KIF16B: variants seen among roughly 807,000 people sequenced by gnomAD.
KIF16B encodes kinesin-like protein KIF16B.
In KIF16B, 98 loss-of-function variants were observed where a neutral mutation model predicts 156.3. That is an observed-to-expected ratio of 0.63 (90% CI 0.53 to 0.74). KIF16B has a LOEUF of 0.74. KIF16B is among the 30% of genes least tolerant of loss of function. KIF16B has a pLI of 0.00. For synonymous variants in KIF16B, 564 were observed against 583.7 expected, an observed-to-expected ratio of 0.97 and a Z score of 0.49; for missense variants, 1,421 against 1,606.5, an observed-to-expected ratio of 0.88 and a Z score of 1.97.
intron 12 of KIF16B, among the ~76,000 whole-genome samples, chr20:16,449,517 T>C (rs1359979549): frequency 6.6e-6 from 1 of 152,148 alleles, no homozygotes; most frequent in African/African-American, 2.4e-5. Context: ...TCCACAAACT[T>C]GCTCTGAAAA....
chr20:16,425,573 A>C (rs1055483542), intron 15 of KIF16B, among the ~76,000 whole-genome samples: 8 of 152,158 alleles, frequency 5.3e-5, no homozygotes, highest in African/African-American at 1.9e-4. Context: ...TACAATATCA[A>C]AGTACCTTCA....
intron 18 of KIF16B, among the ~76,000 whole-genome samples, chr20:16,381,222 G>C (rs1321466246): frequency 6.6e-6 from 1 of 152,052 alleles, no homozygotes; most frequent in African/African-American, 2.4e-5. Flanking sequence ...CAAAAGAAAA[G>C]TGAGCAAAGA....
chr20:16,392,158 G>C (rs887041871), intron 17 of KIF16B, among the ~76,000 whole-genome samples: 1 of 152,076 alleles, frequency 6.6e-6, no homozygotes, highest in Non-Finnish European at 1.5e-5. Context: ...CAGCCTTTCC[G>C]GCCATACAGA....
chr20:16,296,874 A>C (rs2063394950), intron 25 of KIF16B, among the ~76,000 whole-genome samples: 1 of 152,218 alleles, frequency 6.6e-6, no homozygotes, highest in Non-Finnish European at 1.5e-5. Flanking sequence ...AATCAGTAGA[A>C]CGAGTAAAGC....
chr20:16,306,202 G>A (rs1229772595), intron 25 of KIF16B, among the ~76,000 whole-genome samples: 1 of 152,012 alleles, frequency 6.6e-6, no homozygotes, highest in Non-Finnish European at 1.5e-5. Flanking sequence ...ATCTAACATC[G>A]CTTTAAAATA....
At chr20:16,476,958 A>C (rs2067832070) in intron 12 of KIF16B, among the ~76,000 whole-genome samples, 1 of 151,974 alleles carries the variant, frequency 6.6e-6, no homozygotes, top group Non-Finnish European at 1.5e-5. Context: ...CATGTTGGCT[A>C]GGATGGTCTC....
intron 15 of KIF16B, among the ~76,000 whole-genome samples, chr20:16,418,108 T>C (rs970624057): frequency 6.7e-6 from 1 of 150,292 alleles, no homozygotes; most frequent in African/African-American, 2.5e-5. Context: ...ATGTACTGAA[T>C]GTAAAGCTGA....
At chr20:16,291,907 C>T (rs1231143506) in intron 25 of KIF16B, among the ~76,000 whole-genome samples, 1 of 152,172 alleles carries the variant, frequency 6.6e-6, no homozygotes, top group Non-Finnish European at 1.5e-5. Context: ...CTTCCTGTTG[C>T]TCACAGCATT....
At chr20:16,471,987 T>A (rs912564216) in intron 12 of KIF16B, among the ~76,000 whole-genome samples, 1 of 152,254 alleles carries the variant, frequency 6.6e-6, no homozygotes, top group East Asian at 1.9e-4. Context: ...AAGAACTCCA[T>A]GGCTGGCCTA....
chr20:16,411,721 A>G (rs1467656510), intron 15 of KIF16B, among the ~76,000 whole-genome samples: 5 of 151,956 alleles, frequency 3.3e-5, no homozygotes, highest in Admixed American at 3.3e-4. Flanking sequence ...GGGAATCTGG[A>G]CATGTGCCGA....
At position 16,502,673 on chromosome 20, in the gene KIF16B, A is replaced by G. The variant is rs1322741330; in HGVS notation, c.1176+1699T>C. 2.6e-5 allele frequency among the ~76,000 whole-genome samples: 4 copies of G among 152,344 alleles called. No homozygotes were observed. In the East Asian group the frequency reaches 7.7e-4, roughly 29 times the overall value. ...CAATACCTCTGAAGGCATTTTTCAG[A>G]GAGAAAATGTAAAGTTTCAATAAAT... On this transcript the variant is annotated intron_variant, in intron 10 of 25. Transcript: ENST00000354981.
chr20:16,460,391 G>A (rs577565114), intron 12 of KIF16B, among the ~76,000 whole-genome samples: 2 of 152,246 alleles, frequency 1.3e-5, no homozygotes, highest in South Asian at 4.1e-4. Context: ...GATCAGTCTG[G>A]TGAAACCCCA....
intron 12 of KIF16B, among the ~76,000 whole-genome samples, chr20:16,445,180 A>G (rs1254478331): frequency 6.6e-6 from 1 of 152,034 alleles, no homozygotes; most frequent in Non-Finnish European, 1.5e-5. Context: ...AGCCTGGGTG[A>G]CAGCGAGACT....
chr20:16,524,984 A>C (rs6044070), intron 3 of KIF16B, among the ~76,000 whole-genome samples: 139,370 of 152,116 alleles, frequency 0.92, 63,975 homozygotes, highest in African/African-American at 0.98. Flanking sequence ...AATGAGAACA[A>C]ATGGACACAG....
At chr20:16,513,706 G>T in intron 4 of KIF16B, among the ~76,000 whole-genome samples, 1 of 145,774 alleles carries the variant, frequency 6.9e-6, no homozygotes, top group Non-Finnish European at 1.5e-5. Context: ...TCCCTCCTTT[G>T]ACAGAGTAAC....
intron 15 of KIF16B, among the ~76,000 whole-genome samples, chr20:16,423,115 G>C (rs971063474): frequency 1.3e-5 from 2 of 152,024 alleles, no homozygotes; most frequent in African/African-American, 4.8e-5. Context: ...AAAGGGAGGT[G>C]GGTATAAGCA....
rs73597766 is a variant in KIF16B at position 16,407,272 on chromosome 20, A to G, written c.1613-816T>C. ...TTGTCACCAGAGGCATGTAAGAGAA[A>G]AGATGTTGCAGAAGAGGTTCACTGT... On this transcript the variant is annotated intron_variant, in intron 15 of 25. Transcript: ENST00000354981. 0.015 allele frequency among the ~76,000 whole-genome samples: 2,289 copies of G among 152,256 alleles called. 150 individuals are homozygous for G. In the East Asian group the frequency reaches 0.2, roughly 13 times the overall value.
chr20:16,329,838 TA>T (rs1280316368), intron 24 of KIF16B, among the ~76,000 whole-genome samples: 2 of 152,126 alleles, frequency 1.3e-5, no homozygotes, highest in African/African-American at 4.8e-5. Context: ...AACAACAATT[TA>T]AAAAACCCTG....
Position 16,497,683 on chromosome 20 carries a change from A to C in KIF16B, c.1177-5T>G, listed in dbSNP as rs769194429. The C allele has an allele frequency of 1.3e-6, 2 of 1,589,040 alleles. No homozygotes were observed. The highest frequency in any genetic ancestry group is 1.7e-5 in the Admixed American group (1 of 57,148). On this transcript the variant is annotated splice_polypyrimidine_tract_variant and splice_region_variant and intron_variant, in intron 10 of 25. Transcript: ENST00000354981. ...GGGGGAGTCTAAGAGGGCAATCTAC[A>C]ATATAAACCATAAAAGAAATCAGCA... is the stretch of plus-strand genomic sequence containing the variant.
Sources: gnomAD v4.1 joint callset for allele counts (sites outside exome capture counted in the v4.1 genomes callset) on GRCh38, gnomAD v4.1.1 for gene constraint, MANE v1.5 for transcripts, NCBI Gene and HGNC (gene_info 2026-07-23, HGNC 2026-07-21) for gene names.